Variants in CHRNA9 observed in about 807,000 individuals in gnomAD.
The protein encoded by CHRNA9 is neuronal acetylcholine receptor subunit alpha-9.
CHRNA9 carries 24 observed loss-of-function variants against 36.8 expected under a neutral mutation model. The ratio of observed to expected loss-of-function variants is 0.65; its 90% CI spans 0.47 to 0.92. The LOEUF is 0.92. Ranked by LOEUF, CHRNA9 falls within the 40% of genes least tolerant of loss-of-function variation. The pLI, the probability that CHRNA9 is intolerant of heterozygous loss-of-function variation, is 0.00. For synonymous variants in CHRNA9, 231 were observed against 231.8 expected, an observed-to-expected ratio of 1.00 and a Z score of 0.03; for missense variants, 610 against 601.2, an observed-to-expected ratio of 1.01 and a Z score of -0.15.
chr4:40,349,410 G>C lies in CHRNA9; in HGVS notation c.894G>C (p.Leu298=). ...TGCCGGCCTCAGAAAATGTGCCCCT[G>C]ATAGGTGAGTCCAAGTGTCTTCCAC... ...EIMPASENVP[L]IGKYYIATMA... The change falls in exon 4 of 5, where the codon CTG becomes CTC. Residue 298 remains leucine, a synonymous_variant. Transcript: ENST00000310169. 1 of 1,611,778 alleles carries C rather than the reference G, an allele frequency of 6.2e-7. No homozygotes were observed.
At chr4:40,339,279 C>CAAAAA (rs61634062) in intron 3 of CHRNA9, among the ~76,000 whole-genome samples, 14 of 71,150 alleles carry the variant, frequency 2.0e-4, no homozygotes, top group Admixed American at 4.1e-4. Flanking sequence ...GACTCCATCT[C>CAAAAA]AAAAAAAAAA....
chr4:40,345,889 G>T (rs529381011), intron 3 of CHRNA9, among the ~76,000 whole-genome samples: 1 of 152,280 alleles, frequency 6.6e-6, no homozygotes, highest in Admixed American at 6.5e-5. Flanking sequence ...GCCAGGCATG[G>T]TGGCTGGCAC....
chr4:40,338,908 C>G (rs942818009), intron 3 of CHRNA9, among the ~76,000 whole-genome samples: 23 of 149,860 alleles, frequency 1.5e-4, no homozygotes, highest in Non-Finnish European at 3.0e-4. Context: ...CACACACACA[C>G]AGAGCAAGAA....
At position 40,337,352 on chromosome 4, in the gene CHRNA9, T is replaced by C. The variant is rs1258997281; in HGVS notation, c.353T>C (p.Val118Ala). 6.2e-7 allele frequency: 1 copy of C among 1,614,002 alleles called. No homozygotes were observed. Among genetic ancestry groups the C allele is most frequent in the Admixed American group, 1.7e-5 (1 of 60,000 alleles). The change falls in exon 3 of 5, where the codon GTC becomes GCC. Residue 118 changes from valine to alanine, a missense_variant. Coordinates refer to ENST00000310169, the MANE Select transcript of CHRNA9 (RefSeq NM_017581.4). ...GACCTCGTGTGGAGGCCAGACATCG[T>C]CTTATATAACAAGTAAGTGCAGCTC... Reference protein sequence around the residue: ...PSDLVWRPDIVLYNKADDESS... With the variant: ...PSDLVWRPDIALYNKADDESS...
chr4:40,351,271 G>T (rs1332538898), intron 4 of CHRNA9, among the ~76,000 whole-genome samples: 1 of 151,242 alleles, frequency 6.6e-6, no homozygotes, highest in South Asian at 2.1e-4. Flanking sequence ...AGTGAAGGTT[G>T]CAGTGAGCCA....
intron 2 of CHRNA9, 151 bp from the exon 3 acceptor site, chr4:40,337,059 G>A (rs1446225205): frequency 2.9e-6 from 2 of 687,558 alleles, no homozygotes; most frequent in Non-Finnish European, 4.8e-6. Context: ...TCAATCAAGG[G>A]GATAGAATAA....
chr4:40,342,703 G>A (rs115831973), intron 3 of CHRNA9, among the ~76,000 whole-genome samples: 8 of 152,088 alleles, frequency 5.3e-5, no homozygotes, highest in Non-Finnish European at 1.0e-4. Flanking sequence ...AAGAGGAAAC[G>A]GGACAATAGC....
rs56299220 is a variant in CHRNA9, at chr4:40,335,989, G to A, written c.210+17G>A. ...AAGGATATGGTGAGTAACACATGGT[G>A]CTGACTCTGTGGAATGATTCTTAGA... On this transcript the variant is annotated intron_variant, in intron 2 of 4. Coordinates refer to ENST00000310169, the MANE Select transcript of CHRNA9 (RefSeq NM_017581.4). The A allele has an allele frequency of 3.0e-3, 4,800 of 1,603,116 alleles. 15 individuals carry two copies. The highest frequency in any genetic ancestry group is 3.9e-3 in the Non-Finnish European group (4,512 of 1,171,354).
At chr4:40,346,893 C>T (rs779514222) in intron 3 of CHRNA9, among the ~76,000 whole-genome samples, 7 of 152,142 alleles carry the variant, frequency 4.6e-5, no homozygotes, top group African/African-American at 9.7e-5. Flanking sequence ...TCACTACAAC[C>T]TCTGCCTCCT....
intron 4 of CHRNA9, among the ~76,000 whole-genome samples, chr4:40,350,105 A>G (rs1712751694): frequency 6.6e-6 from 1 of 152,184 alleles, no homozygotes; most frequent in African/African-American, 2.4e-5. Flanking sequence ...GAAGAGTGGC[A>G]AACATGGCAG....
intron 2 of CHRNA9, 55 bp from the exon 3 acceptor site, chr4:40,337,155 T>A (rs1712346165): frequency 1.3e-6 from 2 of 1,548,544 alleles, no homozygotes; most frequent in South Asian, 1.1e-5. Flanking sequence ...GTCCTATCAG[T>A]GGAAAACATT....
chr4:40,342,702 C>T (rs755598750), intron 3 of CHRNA9, among the ~76,000 whole-genome samples: 5 of 152,028 alleles, frequency 3.3e-5, no homozygotes, highest in South Asian at 2.1e-4. Context: ...CAAGAGGAAA[C>T]GGGACAATAG....
In CHRNA9 at chr4:40,355,173, G is replaced by A. The variant is rs566060985; in HGVS notation, c.*653G>A. 1 of 152,286 alleles carries A rather than the reference G, an allele frequency of 6.6e-6. No homozygotes were observed. Among genetic ancestry groups the A allele is most frequent in the East Asian group, 1.9e-4 (1 of 5,184 alleles). 9.4% of individuals were successfully genotyped at this position (152,286 alleles called of 1,614,324 possible). A position where few individuals can be genotyped will look rare whatever the true frequency, so the allele number is the denominator to read the frequency against. ...CTTTGATTAAAATATGATAGATGAA[G>A]CTGTTCCTGCATTTAGTCTTGTATT... On this transcript the variant is annotated 3_prime_UTR_variant, in exon 5 of 5. Transcript: ENST00000310169.
chr4:40,346,002 G>T (rs1712627040), intron 3 of CHRNA9, among the ~76,000 whole-genome samples: 1 of 151,892 alleles, frequency 6.6e-6, no homozygotes, highest in African/African-American at 2.4e-5. Flanking sequence ...TCCAGCCTGG[G>T]TGACAAGAGT....
Position 40,348,869 on chromosome 4 carries a change from A to T in CHRNA9, c.366-13A>T, listed in dbSNP as rs779539496. On this transcript the variant is annotated splice_polypyrimidine_tract_variant and intron_variant, in intron 3 of 4. Transcript: ENST00000310169. ...CTAGCATGCGGCTTTCATTTTCCTTATCTGACCTTCAGGGCTGATGATGAA... is the reference window on the plus strand; with the variant it reads ...CTAGCATGCGGCTTTCATTTTCCTTTTCTGACCTTCAGGGCTGATGATGAA... 1.2e-6 allele frequency: 2 copies of T among 1,606,740 alleles called. No homozygotes were observed. Among genetic ancestry groups the T allele is most frequent in the Non-Finnish European group, 1.7e-6 (2 of 1,173,912 alleles).
intron 3 of CHRNA9, among the ~76,000 whole-genome samples, chr4:40,343,092 G>GCTCCCT (rs1712546535): frequency 1.3e-5 from 2 of 152,296 alleles, no homozygotes; most frequent in South Asian, 4.1e-4. Context: ...GACTCTCCCT[G>GCTCCCT]CTCCCTCATT....
chr4:40,341,405 C>T (rs938638588), intron 3 of CHRNA9, among the ~76,000 whole-genome samples: 1 of 151,970 alleles, frequency 6.6e-6, no homozygotes, highest in Non-Finnish European at 1.5e-5. Context: ...GTATTCTCCT[C>T]AGTAGGGTCT....
At chr4:40,339,538 C>T (rs1402542637) in intron 3 of CHRNA9, among the ~76,000 whole-genome samples, 1 of 151,194 alleles carries the variant, frequency 6.6e-6, no homozygotes, top group Non-Finnish European at 1.5e-5. Flanking sequence ...AAAAAATTAG[C>T]TGGGTATGGT....
chr4:40,335,500 C>T lies in CHRNA9; in HGVS notation c.33C>T (p.Cys11=). The change falls in exon 1 of 5, where the codon TGC becomes TGT. Residue 11 remains cysteine, a synonymous_variant. Transcript: ENST00000310169. MNWSHSCISF[C]WIYFAASRLR... ...GGTCCCATTCCTGCATCTCCTTTTG[C>T]TGGATCTACTTTGCTGCTTCCAGAC... 1 of 1,613,666 alleles carries T rather than the reference C, an allele frequency of 6.2e-7. No individual in the cohort carries two copies. Among genetic ancestry groups the T allele is most frequent in the Non-Finnish European group, 8.5e-7 (1 of 1,179,526 alleles).
Sources: allele counts gnomAD v4.1 joint callset (sites outside exome capture counted in the v4.1 genomes callset), GRCh38; gene constraint gnomAD v4.1.1; transcripts MANE v1.5; gene names NCBI Gene and HGNC (gene_info 2026-07-23, HGNC 2026-07-21).